The following DACH2 variants were observed in gnomAD, a reference collection of about 807,000 sequenced individuals.
DACH2 encodes dachshund homolog 2.
Under a neutral mutation model 35.8 loss-of-function variants are expected in DACH2, and 17 were observed. That is an observed-to-expected ratio of 0.48 (90% CI 0.33 to 0.71). The LOEUF is 0.71. Among genes scored for constraint, DACH2 ranks in the 30% least tolerant of loss-of-function variants. The pLI, the probability that DACH2 is intolerant of heterozygous loss-of-function variation, is 0.02. For missense variants in DACH2, 469 were observed against 472.7 expected (o/e 0.99, Z 0.07); for synonymous variants, 195 against 177.3 (o/e 1.10, Z -0.79).
chrX:86,566,551 G>C (rs1001818328), intron 3 of DACH2, among the ~76,000 whole-genome samples: 31 of 111,220 alleles, frequency 2.8e-4, no homozygotes, highest in African/African-American at 9.8e-4. Flanking sequence ...AAAACTGTTA[G>C]CTATTGTGTA....
At position 86,656,857 on chromosome X, in the gene DACH2, G is replaced by GTATATATATATATA. The variant is rs752576150; in HGVS notation, c.772+5711_772+5724dup. ...TGTATTAAAATACATGTGTGTGTGTGTATATATATATATATATATATATAT... is the reference window on the plus strand; with the variant it reads ...TGTATTAAAATACATGTGTGTGTGTGTATATATATATATATATATATATATATATATATATATAT... On this transcript the variant is annotated intron_variant, in intron 4 of 11. Coordinates refer to ENST00000373125, the MANE Select transcript of DACH2 (RefSeq NM_053281.3). Among the ~76,000 whole-genome samples, 243 of 66,699 alleles carry GTATATATATATATA rather than the reference G, an allele frequency of 3.6e-3. 4 individuals carry two copies. The highest frequency in any genetic ancestry group is 0.014 in the African/African-American group (197 of 13,855). 57.9% of individuals were successfully genotyped at this position (66,699 alleles called of 115,157 possible). A position where few individuals can be genotyped will look rare whatever the true frequency, so the allele number is the denominator to read the frequency against.
At chrX:86,306,679 A>G (rs1038638804) in intron 1 of DACH2, among the ~76,000 whole-genome samples, 1 of 111,819 alleles carries the variant, frequency 8.9e-6, no homozygotes, top group Non-Finnish European at 1.9e-5. Flanking sequence ...TTGGACTCCA[A>G]GTTCTTCAAT....
chrX:86,469,884 C>G (rs1480218384), intron 2 of DACH2, among the ~76,000 whole-genome samples: 4 of 107,747 alleles, frequency 3.7e-5, no homozygotes, highest in African/African-American at 6.8e-5. Context: ...TTTCTGAATT[C>G]TACTAGATCT....
At chrX:86,389,897 C>A (rs2036175185) in intron 2 of DACH2, among the ~76,000 whole-genome samples, 1 of 111,961 alleles carries the variant, frequency 8.9e-6, no homozygotes, top group African/African-American at 3.2e-5. Flanking sequence ...GAAAAAAAAT[C>A]TTAAAACTAG....
intron 1 of DACH2, among the ~76,000 whole-genome samples, chrX:86,314,061 A>T (rs2034850711): frequency 9.1e-6 from 1 of 110,462 alleles, no homozygotes; most frequent in Admixed American, 9.8e-5. Context: ...GTGTGTTCTC[A>T]CTGGTCTACT....
chrX:86,335,393 G>T (rs2035288717), intron 1 of DACH2, among the ~76,000 whole-genome samples: 1 of 111,928 alleles, frequency 8.9e-6, no homozygotes, highest in African/African-American at 3.3e-5. Flanking sequence ...AACATGAAAT[G>T]TTTTTCCATG....
At chrX:86,460,311 T>C (rs1307727188) in intron 2 of DACH2, among the ~76,000 whole-genome samples, 1 of 111,283 alleles carries the variant, frequency 9.0e-6, no homozygotes, top group Non-Finnish European at 1.9e-5. Flanking sequence ...TTCAAAATGT[T>C]ATGTGTAAAC....
intron 7 of DACH2, among the ~76,000 whole-genome samples, chrX:86,796,901 T>C (rs1175435932): frequency 2.7e-5 from 3 of 111,795 alleles, no homozygotes; most frequent in Non-Finnish European, 5.6e-5. Flanking sequence ...ACATATTGTT[T>C]TTTTTTTCTA....
intron 1 of DACH2, among the ~76,000 whole-genome samples, chrX:86,243,341 G>T (rs1055196764): frequency 1.8e-5 from 2 of 111,851 alleles, no homozygotes; most frequent in Non-Finnish European, 3.8e-5. Flanking sequence ...CTTTTCTAAA[G>T]AAAGTAACTA....
At chrX:86,272,845 G>A (rs1449908822) in intron 1 of DACH2, among the ~76,000 whole-genome samples, 3 of 111,928 alleles carry the variant, frequency 2.7e-5, no homozygotes, top group African/African-American at 6.5e-5. Flanking sequence ...CTCTCAATGC[G>A]ATAACGTAGC....
intron 2 of DACH2, among the ~76,000 whole-genome samples, chrX:86,406,437 A>G (rs915875010): frequency 7.1e-5 from 8 of 112,046 alleles, no homozygotes; most frequent in African/African-American, 2.6e-4. Context: ...TACTATGTCC[A>G]CTACCTGGGT....
In DACH2 at chrX:86,276,006, TG is replaced by T. The variant is rs1181283911; in HGVS notation, c.489-100817del. 2.7e-5 allele frequency among the ~76,000 whole-genome samples: 3 copies of T among 112,537 alleles called. No homozygotes were observed. In the East Asian group the frequency reaches 8.4e-4, roughly 32 times the overall value. On this transcript the variant is annotated intron_variant, in intron 1 of 11. Coordinates refer to ENST00000373125, the MANE Select transcript of DACH2 (RefSeq NM_053281.3). ...GAAAATTAGCTATTGTAAACAGTGC[TG>T]CAACAAACACAGGAGTGCATGTATC...
intron 1 of DACH2, among the ~76,000 whole-genome samples, chrX:86,159,652 C>T (rs1213311603): frequency 8.9e-6 from 1 of 111,884 alleles, no homozygotes; most frequent in Non-Finnish European, 1.9e-5. Context: ...CTACTATGTG[C>T]AAGGCTCCTT....
chrX:86,750,588 C>G (rs890580848), intron 7 of DACH2, among the ~76,000 whole-genome samples: 1 of 111,350 alleles, frequency 9.0e-6, no homozygotes, highest in Non-Finnish European at 1.9e-5. Flanking sequence ...AACAGCAACT[C>G]TCCATGTCTC....
chrX:86,504,852 G>A (rs998212699), intron 2 of DACH2, among the ~76,000 whole-genome samples: 3 of 111,811 alleles, frequency 2.7e-5, no homozygotes, highest in Non-Finnish European at 3.8e-5. Context: ...GGAAAGAGGT[G>A]TGGGGCAAAG....
rs774122792 is a variant in DACH2, at chrX:86,376,791, A to G, written c.489-33A>G. 13 of 1,108,654 alleles carry G rather than the reference A, an allele frequency of 1.2e-5. No individual in the cohort carries two copies. In the South Asian group the frequency reaches 2.3e-4, roughly 20 times the overall value. The allele number at this position is 1,108,654 out of a possible 1,213,427, so 91.4% of individuals were successfully genotyped here. On this transcript the variant is annotated intron_variant, in intron 1 of 11. Coordinates refer to ENST00000373125, the MANE Select transcript of DACH2 (RefSeq NM_053281.3). Reference sequence around the variant, plus strand: ...CCAGAACTCTCAATTAACCAGTTTTATTTATTTATTTTCTGCTACACTCTC... The same window carrying G: ...CCAGAACTCTCAATTAACCAGTTTTGTTTATTTATTTTCTGCTACACTCTC...
chrX:86,634,772 T>C (rs2040242504), intron 3 of DACH2, among the ~76,000 whole-genome samples: 1 of 111,464 alleles, frequency 9.0e-6, no homozygotes, highest in Non-Finnish European at 1.9e-5. Flanking sequence ...AAAACATGGA[T>C]GAAAGAAATT....
chrX:86,609,512 C>T (rs1047363818), intron 3 of DACH2, among the ~76,000 whole-genome samples: 4 of 111,915 alleles, frequency 3.6e-5, no homozygotes, highest in Non-Finnish European at 7.5e-5. Context: ...CCTGAATTAT[C>T]TTTATACTTG....
chrX:86,745,529 T>C (rs1242379974), intron 7 of DACH2, among the ~76,000 whole-genome samples: 2 of 111,541 alleles, frequency 1.8e-5, no homozygotes, highest in African/African-American at 6.5e-5. Context: ...TGGTTTTCTG[T>C]TCCTGCATTA....
Sources: gnomAD v4.1 joint callset for allele counts (sites outside exome capture counted in the v4.1 genomes callset) on GRCh38, gnomAD v4.1.1 for gene constraint, MANE v1.5 for transcripts, NCBI Gene and HGNC (gene_info 2026-07-23, HGNC 2026-07-21) for gene names.